ITSN1: variants seen among roughly 807,000 people sequenced by gnomAD.
ITSN1 encodes the protein intersectin-1.
In ITSN1, 58 loss-of-function variants were observed where a neutral mutation model predicts 239.8. That is an observed-to-expected ratio of 0.24 (90% CI 0.20 to 0.30). The LOEUF (loss-of-function observed/expected upper bound fraction) is 0.30. ITSN1 is among the 10% of genes least tolerant of loss of function. The pLI, the probability that ITSN1 is intolerant of heterozygous loss-of-function variation, is 1.00. For missense variants in ITSN1, 1,558 were observed against 2,103.3 expected (o/e 0.74, Z 5.07); for synonymous variants, 780 against 770.8 (o/e 1.01, Z -0.20).
At chr21:33,818,890 G>A (rs184526846) in intron 23 of ITSN1, among the ~76,000 whole-genome samples, 1 of 152,318 alleles carries the variant, frequency 6.6e-6, no homozygotes, top group Admixed American at 6.5e-5. Context: ...TGGAACCTAA[G>A]GTTGTTAATT....
intron 25 of ITSN1, among the ~76,000 whole-genome samples, chr21:33,825,761 TAGTG>T (rs1320288541): frequency 2.0e-5 from 3 of 152,102 alleles, no homozygotes; most frequent in South Asian, 2.1e-4. Context: ...TATTGAAAAA[TAGTG>T]AGAGATTGCT....
At chr21:33,844,071 G>A (rs951490549) in intron 29 of ITSN1, among the ~76,000 whole-genome samples, 3 of 152,196 alleles carry the variant, frequency 2.0e-5, no homozygotes, top group Non-Finnish European at 4.4e-5. Flanking sequence ...GAAAAGATTG[G>A]ACAGCTTCCC....
chr21:33,727,647 G>A (rs907889815), intron 4 of ITSN1, among the ~76,000 whole-genome samples: 7 of 146,498 alleles, frequency 4.8e-5, no homozygotes, highest in Non-Finnish European at 9.0e-5. Context: ...CTGGACTCTT[G>A]ATCCCCTCTC....
At chr21:33,828,862 G>A (rs1442490863) in intron 26 of ITSN1, 1 of 447,434 alleles carries the variant, frequency 2.2e-6, no homozygotes, top group Non-Finnish European at 4.6e-6. Context: ...GGTACCGCTG[G>A]AGTTTTTCCC....
At chr21:33,834,453 G>A (rs949680634) in intron 28 of ITSN1, 29 bp downstream of exon 28, 9 of 1,454,732 alleles carry the variant, frequency 6.2e-6, no homozygotes, top group Non-Finnish European at 8.6e-6. Context: ...CTAACTGGAA[G>A]ATGGTCTGCA....
intron 1 of ITSN1, among the ~76,000 whole-genome samples, chr21:33,653,184 G>C (rs2088703174): frequency 6.6e-6 from 1 of 151,992 alleles, no homozygotes; most frequent in Non-Finnish European, 1.5e-5. Flanking sequence ...CAGTGGAGAC[G>C]GGGTTTCGCC....
At chr21:33,700,346 A>G (rs1201592481) in intron 1 of ITSN1, among the ~76,000 whole-genome samples, 3 of 152,126 alleles carry the variant, frequency 2.0e-5, no homozygotes, top group Admixed American at 1.3e-4. Context: ...CGGCTTCCCA[A>G]AGTGCTGGGA....
chr21:33,719,722 T>A (rs1297787229), intron 2 of ITSN1, among the ~76,000 whole-genome samples: 1 of 152,184 alleles, frequency 6.6e-6, no homozygotes, highest in Non-Finnish European at 1.5e-5. Flanking sequence ...AAAGCCTGGA[T>A]TTGAAGCATG....
intron 20 of ITSN1, among the ~76,000 whole-genome samples, chr21:33,806,694 T>G (rs948341616): frequency 6.6e-6 from 1 of 152,240 alleles, no homozygotes; most frequent in Non-Finnish European, 1.5e-5. Context: ...TAAATGATGT[T>G]TCACTAGAAT....
chr21:33,727,605 T>TTTC (rs2065903138), intron 4 of ITSN1, among the ~76,000 whole-genome samples: 1 of 92,532 alleles, frequency 1.1e-5, no homozygotes, highest in Non-Finnish European at 2.1e-5. Flanking sequence ...GCTAAACTCA[T>TTTC]ACAAAAAAAA....
At position 33,762,900 on chromosome 21, in the gene ITSN1, G is replaced by A. The variant is rs1048294609; in HGVS notation, c.788+914G>A. Among the ~76,000 whole-genome samples the A allele has an allele frequency of 3.3e-5, 5 of 152,148 alleles. No homozygotes were observed. In the East Asian group the frequency reaches 7.7e-4, roughly 24 times the overall value. ...GCTGGTCTCGAGCTCCTGACCTCAG[G>A]TGACCTGCCCACCTCAGCCTCCCAA... On this transcript the variant is annotated intron_variant, in intron 9 of 39. Transcript: ENST00000381318.
chr21:33,764,164 T>C (rs1471104738), intron 9 of ITSN1, among the ~76,000 whole-genome samples: 3 of 152,240 alleles, frequency 2.0e-5, no homozygotes, highest in African/African-American at 7.2e-5. Context: ...CCAGATTATA[T>C]TGAAATATTT....
chr21:33,784,901 C>T (rs183609500), intron 16 of ITSN1, among the ~76,000 whole-genome samples: 1 of 152,190 alleles, frequency 6.6e-6, no homozygotes, highest in Non-Finnish European at 1.5e-5. Context: ...CCCTCTTGAT[C>T]GGCAGTGCCT....
intron 37 of ITSN1, 51 bp downstream of exon 37, chr21:33,885,174 C>T: frequency 1.4e-6 from 2 of 1,468,076 alleles, no homozygotes; most frequent in South Asian, 2.3e-5. Context: ...GGAGGGAGGG[C>T]CATTTGGCTG....
intron 33 of ITSN1, among the ~76,000 whole-genome samples, chr21:33,870,267 A>C (rs1289537825): frequency 6.6e-6 from 1 of 152,168 alleles, no homozygotes; most frequent in Non-Finnish European, 1.5e-5. Context: ...TTTTTCTCCC[A>C]ATGTTTAATT....
At chr21:33,683,134 G>T (rs949951217) in intron 1 of ITSN1, among the ~76,000 whole-genome samples, 3 of 151,824 alleles carry the variant, frequency 2.0e-5, no homozygotes, top group African/African-American at 7.3e-5. Flanking sequence ...AGGAAATAAG[G>T]TGCCTTGGCG....
intron 1 of ITSN1, among the ~76,000 whole-genome samples, chr21:33,680,335 CTTT>C (rs766411012): frequency 2.9e-5 from 4 of 138,552 alleles, no homozygotes; most frequent in Non-Finnish European, 1.6e-5. Flanking sequence ...TTTCTTTTTT[CTTT>C]TTTTTTTTTT....
chr21:33,679,003 A>G (rs2090767280), intron 1 of ITSN1, among the ~76,000 whole-genome samples: 1 of 152,232 alleles, frequency 6.6e-6, no homozygotes. Context: ...CATAAGCATG[A>G]AAATAGCATA....
rs1210950044 is a variant in ITSN1 at position 33,888,930 on chromosome 21, TC to T, written c.*635del. On this transcript the variant is annotated 3_prime_UTR_variant, in exon 40 of 40. Transcript: ENST00000381318. Reference sequence around the variant, plus strand: ...CATGTGCACCGTTATAGCCGTTCCTTCCCCCTCTAGGCCTTGTATTAATATA... The same window carrying T: ...CATGTGCACCGTTATAGCCGTTCCTTCCCCTCTAGGCCTTGTATTAATATA... 6.6e-6 allele frequency: 1 copy of T among 152,188 alleles called. No homozygotes were observed. The highest frequency in any genetic ancestry group is 1.5e-5 in the Non-Finnish European group (1 of 68,052). The allele number at this position is 152,188 out of a possible 1,614,324, so 9.4% of individuals were successfully genotyped here.
Sources: allele counts gnomAD v4.1 joint callset (sites outside exome capture counted in the v4.1 genomes callset), GRCh38; gene constraint gnomAD v4.1.1; transcripts MANE v1.5; gene names NCBI Gene and HGNC (gene_info 2026-07-23, HGNC 2026-07-21).